Variants in PSMC1 observed in about 807,000 individuals in gnomAD.
PSMC1 encodes proteasome 26S subunit, ATPase 1.
In PSMC1, 5 loss-of-function variants were observed where a neutral mutation model predicts 49.8. That is an observed-to-expected ratio of 0.10 (90% CI 0.05 to 0.21). The LOEUF (loss-of-function observed/expected upper bound fraction) is 0.21. Ranked by LOEUF, PSMC1 falls within the 10% of genes least tolerant of loss-of-function variation. The pLI, the probability that PSMC1 is intolerant of heterozygous loss-of-function variation, is 1.00. For missense variants in PSMC1, 181 were observed against 535.7 expected (o/e 0.34, Z 6.54); for synonymous variants, 155 against 192.1 (o/e 0.81, Z 1.60).
At chr14:90,268,580 T>G in intron 8 of PSMC1, 167 bp downstream of exon 8, 1 of 651,730 alleles carries the variant, frequency 1.5e-6, no homozygotes. Flanking sequence ...AGCTAACAAC[T>G]GCCCAGTAAC....
Position 90,273,495 on chromosome 14 carries a change from T to G in PSMC1, c.*1088T>G, listed in dbSNP as rs1029658158. 6.6e-6 allele frequency: 1 copy of G among 152,048 alleles called. No individual in the cohort carries two copies. Among genetic ancestry groups the G allele is most frequent in the African/African-American group, 2.4e-5 (1 of 41,370 alleles). The allele number at this position is 152,048 out of a possible 1,614,324, so 9.4% of individuals were successfully genotyped here. On this transcript the variant is annotated 3_prime_UTR_variant, in exon 11 of 11. Coordinates refer to ENST00000261303, the MANE Select transcript of PSMC1 (RefSeq NM_002802.3). ...ATCGCTTGAACCCAGGAGGCGGAGG[T>G]TGCAGTGAGCCAAGATCCCGTCACT...
At chr14:90,256,624 C>T (rs370315852) in intron 1 of PSMC1, 24 bp downstream of exon 1, 18 of 1,583,728 alleles carry the variant, frequency 1.1e-5, no homozygotes, top group Non-Finnish European at 1.4e-5. Context: ...GGTTTCTTTC[C>T]GCTGGTCGTC....
chr14:90,266,413 A>G (rs770912256), intron 7 of PSMC1, among the ~76,000 whole-genome samples: 22 of 152,250 alleles, frequency 1.4e-4, no homozygotes, highest in Non-Finnish European at 2.9e-4. Flanking sequence ...AGGGGTACCC[A>G]CAATGGAGAG....
rs932880120 is a variant in PSMC1 at position 90,264,139 on chromosome 14, G to C, written c.564G>C (p.Gly188=). 16 of 1,611,644 alleles carry C rather than the reference G, an allele frequency of 9.9e-6. No individual in the cohort carries two copies. Among genetic ancestry groups the C allele is most frequent in the African/African-American group, 1.3e-5 (1 of 74,692 alleles). ...CCCAGGAGACCTATGCAGATATTGGGGGGTTGGACAACCAAATTCAGGAAA... is the reference window on the plus strand; with the variant it reads ...CCCAGGAGACCTATGCAGATATTGGCGGGTTGGACAACCAAATTCAGGAAA... The part of the protein sequence containing the change: ...KAPQETYADI[G]GLDNQIQEIK... Residue 188 remains glycine (G), a synonymous_variant, in exon 6 of 11, where the codon GGG becomes GGC. Transcript: ENST00000261303.
In PSMC1 at chr14:90,273,668, C is replaced by T. The variant is rs11159960; in HGVS notation, c.*1261C>T. 48,946 of 152,938 alleles carry T rather than the reference C, an allele frequency of 0.32. 9,099 individuals carry two copies. Among genetic ancestry groups the T allele is most frequent in the East Asian group, 0.52 (2,667 of 5,176 alleles). 9.5% of individuals were successfully genotyped at this position (152,938 alleles called of 1,614,324 possible). On this transcript the variant is annotated 3_prime_UTR_variant, in exon 11 of 11. Coordinates refer to ENST00000261303, the MANE Select transcript of PSMC1 (RefSeq NM_002802.3). ...AGTCTTGCTGTTGGCAGGACCGTTC[C>T]CTCTGGCGTCTCTAAGGGAGAATCC...
At chr14:90,259,967 A>C in intron 2 of PSMC1, 148 bp from the exon 3 acceptor site, 1 of 505,410 alleles carries the variant, frequency 2.0e-6, no homozygotes. Context: ...AATTGCAGGA[A>C]TGTGAAACAA....
At chr14:90,260,607 C>G (rs1203218281) in intron 3 of PSMC1, among the ~76,000 whole-genome samples, 1 of 152,168 alleles carries the variant, frequency 6.6e-6, no homozygotes, top group African/African-American at 2.4e-5. Context: ...TGGCGGGTGC[C>G]TGTAGTCCCA....
At chr14:90,268,065 T>G in intron 7 of PSMC1, 159 bp from the exon 8 acceptor site, 1 of 586,168 alleles carries the variant, frequency 1.7e-6, no homozygotes, top group Non-Finnish European at 3.0e-6. Flanking sequence ...CTTATCTACT[T>G]AGGAGAATGG....
intron 2 of PSMC1, 49 bp from the exon 3 acceptor site, chr14:90,260,066 A>T: frequency 8.9e-7 from 1 of 1,129,874 alleles, no homozygotes; most frequent in Non-Finnish European, 1.3e-6. Context: ...TGTGTGTTTT[A>T]ATATGATTTT....
At chr14:90,263,563 CT>C (rs2139645494) in intron 4 of PSMC1, 98 bp from the exon 5 acceptor site, 10 of 1,479,324 alleles carry the variant, frequency 6.8e-6, no homozygotes, top group Non-Finnish European at 9.3e-6. Context: ...TATTAGCTGC[CT>C]TTTACAAGCA....
intron 7 of PSMC1, 155 bp from the exon 8 acceptor site, chr14:90,268,069 A>T (rs2139649698): frequency 1.7e-6 from 1 of 591,284 alleles, no homozygotes; most frequent in East Asian, 2.9e-5. Context: ...TCTACTTAGG[A>T]GAATGGAATG....
intron 3 of PSMC1, among the ~76,000 whole-genome samples, chr14:90,261,773 A>G (rs1324917723): frequency 6.6e-6 from 1 of 151,038 alleles, no homozygotes; most frequent in African/African-American, 2.4e-5. Context: ...AACTAGAAAT[A>G]CCATTTGACC....
In PSMC1 at chr14:90,274,812, ACACACACACACACACACACACACACACC is replaced by A. The variant is rs1228069852; in HGVS notation, c.*2407_*2434del. 43 of 69,252 alleles carry A rather than the reference ACACACACACACACACACACACACACACC, an allele frequency of 6.2e-4. No homozygotes were observed. Among genetic ancestry groups the A allele is most frequent in the African/African-American group, 2.6e-3 (41 of 15,600 alleles). 4.3% of individuals were successfully genotyped at this position (69,252 alleles called of 1,614,324 possible). A position where few individuals can be genotyped will look rare whatever the true frequency, so the allele number is the denominator to read the frequency against. On this transcript the variant is annotated 3_prime_UTR_variant, in exon 11 of 11. Transcript: ENST00000261303. ...TACACACACACACACACACACACACACACACACACACACACACACACACACACCCCAATACATATGAATTGATCTGAAA... is the reference window on the plus strand; with the variant it reads ...TACACACACACACACACACACACACACCAATACATATGAATTGATCTGAAA...
At chr14:90,269,357 C>G in intron 8 of PSMC1, 40 bp from the exon 9 acceptor site, 1 of 1,546,390 alleles carries the variant, frequency 6.5e-7, no homozygotes, top group Non-Finnish European at 8.8e-7. Flanking sequence ...AGCAGGCGAT[C>G]AGTTGAGTCT....
intron 10 of PSMC1, 150 bp downstream of exon 10, chr14:90,270,502 A>G (rs867013083): frequency 4.7e-6 from 4 of 859,614 alleles, no homozygotes; most frequent in Middle Eastern, 2.4e-4. Context: ...TCCAAATGGT[A>G]TATGTGCTTG....
chr14:90,274,838 A>ACACCCCCCC lies in PSMC1; in HGVS notation c.*2432_*2433insACCCCCCCC, dbSNP rs1491397403. On this transcript the variant is annotated 3_prime_UTR_variant, in exon 11 of 11. Transcript: ENST00000261303. Reference sequence around the variant, plus strand: ...CACACACACACACACACACACACACACCCCAATACATATGAATTGATCTGA... The same window carrying ACACCCCCCC: ...CACACACACACACACACACACACACACACCCCCCCCCCCAATACATATGAATTGATCTGA... 4 of 67,186 alleles carry ACACCCCCCC rather than the reference A, an allele frequency of 6.0e-5. No homozygotes were observed. The highest frequency in any genetic ancestry group is 6.7e-4 in the East Asian group (2 of 2,966). The allele number at this position is 67,186 out of a possible 1,614,324, so 4.2% of individuals were successfully genotyped here. A position where few individuals can be genotyped will look rare whatever the true frequency, so the allele number is the denominator to read the frequency against.
chr14:90,266,425 C>T (rs1288717791), intron 7 of PSMC1, among the ~76,000 whole-genome samples: 4 of 152,170 alleles, frequency 2.6e-5, no homozygotes, highest in Non-Finnish European at 4.4e-5. Flanking sequence ...AATGGAGAGA[C>T]GGAGACACCT....
At chr14:90,263,500 CAACA>C in intron 4 of PSMC1, 58 bp downstream of exon 4, 3 of 1,500,256 alleles carry the variant, frequency 2.0e-6, no homozygotes, top group Non-Finnish European at 2.7e-6. Context: ...ATAAAATTGT[CAACA>C]AATAAATGAA....
At chr14:90,269,949 G>A in intron 9 of PSMC1, 1 of 472,336 alleles carries the variant, frequency 2.1e-6, no homozygotes, top group Non-Finnish European at 3.7e-6. Flanking sequence ...GTTTCACTCA[G>A]GAATTGCTCC....
Sources: allele counts gnomAD v4.1 joint callset (sites outside exome capture counted in the v4.1 genomes callset), GRCh38; gene constraint gnomAD v4.1.1; transcripts MANE v1.5; gene names NCBI Gene and HGNC (gene_info 2026-07-23, HGNC 2026-07-21).